Variants in ELAPOR2 observed in about 807,000 individuals in gnomAD.
The protein encoded by ELAPOR2 is endosome-lysosome associated apoptosis and autophagy regulator family member 2, also known as endosome/lysosome-associated apoptosis and autophagy regulator family member 2.
In ELAPOR2, 89 loss-of-function variants were observed where a neutral mutation model predicts 120.7. The observed-to-expected ratio is 0.74, with a 90% CI of 0.62 to 0.88. ELAPOR2 has a LOEUF of 0.88. Among genes scored for constraint, ELAPOR2 ranks in the 40% least tolerant of loss-of-function variants. The pLI is 0.00. For missense variants in ELAPOR2, 1,134 were observed against 1,251.6 expected (o/e 0.91, Z 1.42); for synonymous variants, 444 against 444.9 (o/e 1.00, Z 0.03).
intron 2 of ELAPOR2, among the ~76,000 whole-genome samples, chr7:86,956,638 T>C (rs537886344): frequency 4.6e-5 from 7 of 152,312 alleles, no homozygotes; most frequent in African/African-American, 1.7e-4. Flanking sequence ...AGTTCATATC[T>C]TTTTATAAGA....
chr7:86,948,793 C>T (rs543862675), intron 2 of ELAPOR2, among the ~76,000 whole-genome samples: 1 of 152,214 alleles, frequency 6.6e-6, no homozygotes, highest in Admixed American at 6.5e-5. Context: ...CCTCCAAGTA[C>T]ATGGCTATGT....
At chr7:86,959,021 A>G (rs1199639113) in intron 2 of ELAPOR2, among the ~76,000 whole-genome samples, 1 of 126,044 alleles carries the variant, frequency 7.9e-6, no homozygotes, top group East Asian at 2.0e-4. Context: ...TATCATTTTC[A>G]GTGTACAAGT....
At chr7:86,983,367 C>A (rs1005109910) in intron 1 of ELAPOR2, among the ~76,000 whole-genome samples, 5 of 152,094 alleles carry the variant, frequency 3.3e-5, no homozygotes, top group Admixed American at 1.3e-4. Context: ...AGAAGAGCAA[C>A]CCCAAGACAC....
chr7:86,959,449 T>C (rs1353909023), intron 2 of ELAPOR2, among the ~76,000 whole-genome samples: 1 of 152,240 alleles, frequency 6.6e-6, no homozygotes, highest in East Asian at 1.9e-4. Flanking sequence ...GAGTATAATA[T>C]TAGCTATGTG....
chr7:86,970,222 T>G (rs1792059589), intron 1 of ELAPOR2, among the ~76,000 whole-genome samples: 1 of 152,174 alleles, frequency 6.6e-6, no homozygotes, highest in African/African-American at 2.4e-5. Flanking sequence ...TGACCACAAA[T>G]TCTAGTACAG....
At chr7:86,893,169 A>G (rs1788263261) in intron 19 of ELAPOR2, 69 bp from the exon 20 acceptor site, 1 of 1,267,744 alleles carries the variant, frequency 7.9e-7, no homozygotes, top group Admixed American at 2.8e-5. Context: ...TGTGAAAGCT[A>G]GATTTGTCAC....
chr7:86,902,861 C>T (rs867187242), intron 18 of ELAPOR2, among the ~76,000 whole-genome samples: 3 of 152,158 alleles, frequency 2.0e-5, no homozygotes, highest in Non-Finnish European at 4.4e-5. Context: ...ACCCCTCACC[C>T]TTCAAAGTGT....
chr7:87,040,717 C>A lies in ELAPOR2; in HGVS notation c.189+18608G>T, dbSNP rs1794755064. Among the ~76,000 whole-genome samples the A allele has an allele frequency of 2.0e-5, 3 of 152,246 alleles. No individual in the cohort carries two copies. In the South Asian group the frequency reaches 6.2e-4, roughly 32 times the overall value. ...AAAAAGCAGAGCGCCTCTCCTCCTC[C>A]AAAGGAACGCAGTTCCTCACCAGCA... is the stretch of plus-strand genomic sequence containing the variant. On this transcript the variant is annotated intron_variant, in intron 1 of 21. Coordinates refer to ENST00000450689, the MANE Select transcript of ELAPOR2 (RefSeq NM_001142749.3).
intron 10 of ELAPOR2, among the ~76,000 whole-genome samples, chr7:86,924,180 C>T (rs1789953415): frequency 6.6e-6 from 1 of 152,156 alleles, no homozygotes; most frequent in South Asian, 2.1e-4. Flanking sequence ...TTCAATGCCA[C>T]ACACTAATAC....
intron 1 of ELAPOR2, among the ~76,000 whole-genome samples, chr7:86,983,689 C>A: frequency 6.6e-6 from 1 of 152,178 alleles, no homozygotes; most frequent in East Asian, 1.9e-4. Context: ...GAAGGAAGCA[C>A]TAAACATGGG....
chr7:86,903,681 C>T (rs1788826485), intron 18 of ELAPOR2, among the ~76,000 whole-genome samples: 1 of 152,086 alleles, frequency 6.6e-6, no homozygotes, highest in South Asian at 2.1e-4. Context: ...AACTGTGAAG[C>T]GTTCCTTTTG....
intron 1 of ELAPOR2, among the ~76,000 whole-genome samples, chr7:87,015,691 G>C (rs916758683): frequency 6.6e-6 from 1 of 152,114 alleles, no homozygotes; most frequent in Admixed American, 6.5e-5. Context: ...GGGAGGCTGA[G>C]GCACGAGAAT....
chr7:86,988,733 G>C (rs1423122925), intron 1 of ELAPOR2, among the ~76,000 whole-genome samples: 1 of 152,180 alleles, frequency 6.6e-6, no homozygotes, highest in Admixed American at 6.5e-5. Context: ...TTTACCTTGA[G>C]TGTGCCTGAC....
chr7:86,951,695 C>G (rs1236094148), intron 2 of ELAPOR2, among the ~76,000 whole-genome samples: 1 of 152,200 alleles, frequency 6.6e-6, no homozygotes, highest in African/African-American at 2.4e-5. Flanking sequence ...GACCATCACT[C>G]TTATGGAAAA....
At chr7:86,891,691 C>A in intron 21 of ELAPOR2, 33 bp downstream of exon 21, 3 of 1,581,766 alleles carry the variant, frequency 1.9e-6, no homozygotes, top group Non-Finnish European at 2.6e-6. Context: ...TTTATAAACA[C>A]CCAGTAACAC....
At chr7:86,976,864 T>C (rs976241101) in intron 1 of ELAPOR2, among the ~76,000 whole-genome samples, 1 of 152,180 alleles carries the variant, frequency 6.6e-6, no homozygotes, top group African/African-American at 2.4e-5. Context: ...GTCACAAATA[T>C]TAGATTCTCT....
chr7:86,987,327 A>G (rs1030292731), intron 1 of ELAPOR2, among the ~76,000 whole-genome samples: 2 of 152,208 alleles, frequency 1.3e-5, no homozygotes, highest in African/African-American at 4.8e-5. Flanking sequence ...AACAGCAACA[A>G]AAGCCAAAAT....
At chr7:86,993,146 G>A (rs1310373630) in intron 1 of ELAPOR2, among the ~76,000 whole-genome samples, 1 of 149,076 alleles carries the variant, frequency 6.7e-6, no homozygotes, top group Non-Finnish European at 1.5e-5. Flanking sequence ...TGAGGCGGGA[G>A]AGTTGCTTGA....
chr7:86,910,332 T>C (rs1789241490), intron 15 of ELAPOR2, among the ~76,000 whole-genome samples: 1 of 152,142 alleles, frequency 6.6e-6, no homozygotes, highest in Admixed American at 6.6e-5. Flanking sequence ...GTTCAATTCA[T>C]AGAGTAACAA....
Sources: gnomAD v4.1 joint callset for allele counts (sites outside exome capture counted in the v4.1 genomes callset) on GRCh38, gnomAD v4.1.1 for gene constraint, MANE v1.5 for transcripts, NCBI Gene and HGNC (gene_info 2026-07-23, HGNC 2026-07-21) for gene names.